KCNH1: variants seen among roughly 807,000 people sequenced by gnomAD.
The protein encoded by KCNH1 is potassium voltage-gated channel subfamily H member 1.
In KCNH1, 27 loss-of-function variants were observed where a neutral mutation model predicts 69.2. The ratio of observed to expected loss-of-function variants is 0.39; its 90% CI spans 0.29 to 0.54. The LOEUF is 0.54. Ranked by LOEUF, KCNH1 falls within the 20% of genes least tolerant of loss-of-function variation. The probability of loss-of-function intolerance (pLI) is 0.68; values close to 1 mark genes in which losing one functional copy is unlikely to be tolerated. For synonymous variants in KCNH1, 456 were observed against 487.7 expected, an observed-to-expected ratio of 0.93 and a Z score of 0.86; for missense variants, 798 against 1,261.6, an observed-to-expected ratio of 0.63 and a Z score of 5.57.
chr1:210,683,680 C>T lies in KCNH1; in HGVS notation c.2571G>A (p.Glu857=), dbSNP rs764803085. ...TCCTCTCGGGAAGTGTCTCCATCGA[C>T]TCAGCCTTGGACACCTTGTTCCAGT... ...SEDWNKVSKA[E]SMETLPERTK... The change falls in exon 11 of 11, where the codon GAG becomes GAA. Residue 857 remains glutamate (E), a synonymous_variant. Coordinates refer to ENST00000271751, the MANE Select transcript of KCNH1 (RefSeq NM_172362.3). This position sits in a 1 kb window ranked among gnomAD's most constrained non-coding sequence, Gnocchi z 5.7. 1.2e-6 allele frequency: 2 copies of T among 1,614,250 alleles called. No homozygotes were observed. Among genetic ancestry groups the T allele is most frequent in the South Asian group, 1.1e-5 (1 of 91,082 alleles).
Position 210,859,487 on chromosome 1 carries a change from C to T in KCNH1, c.1463-55321G>A, listed in dbSNP as rs116703995. ...TCCAGAGCAGTCTCTTCAGCATCAC[C>T]TTCTTCCCAATCTTCATCATCTCCA... On this transcript the variant is annotated intron_variant, in intron 7 of 10. Coordinates refer to ENST00000271751, the MANE Select transcript of KCNH1 (RefSeq NM_172362.3). 637 of 1,606,898 alleles carry T rather than the reference C, an allele frequency of 4.0e-4. 3 individuals are homozygous for T. The African/African-American group carries it at 7.8e-3, about 20-fold the overall frequency.
intron 6 of KCNH1, among the ~76,000 whole-genome samples, chr1:210,933,473 C>T (rs949612665): frequency 1.3e-5 from 2 of 151,554 alleles, no homozygotes; most frequent in Non-Finnish European, 2.9e-5. Flanking sequence ...TGTAACTAAC[C>T]TGCACATTGT....
At chr1:210,793,172 CAA>C (rs1340009836) in intron 9 of KCNH1, among the ~76,000 whole-genome samples, 1 of 152,056 alleles carries the variant, frequency 6.6e-6, no homozygotes, top group East Asian at 1.9e-4. Context: ...GGATTTCATG[CAA>C]AATTAAGGCA....
intron 7 of KCNH1, among the ~76,000 whole-genome samples, chr1:210,883,289 C>T (rs1458116774): frequency 3.9e-5 from 6 of 152,192 alleles, no homozygotes; most frequent in Non-Finnish European, 8.8e-5. Flanking sequence ...TAGAGAAAAG[C>T]TCTTCTTTCC....
rs1264518637 is a variant in KCNH1 at position 210,797,647 on chromosome 1, T to C, written c.1776A>G (p.Ala592=). ...GCACCGTCTGGAACTCCATGGCCAG[T>C]GCCCGGAGGCAGCCATCACTGGCCA... ...FRLASDGCLR[A]LAMEFQTVHC... The change falls in exon 9 of 11, where the codon GCA becomes GCG. Residue 592 remains alanine (A), a synonymous_variant. Coordinates refer to ENST00000271751, the MANE Select transcript of KCNH1 (RefSeq NM_172362.3). The C allele has an allele frequency of 6.2e-7, 1 of 1,614,128 alleles. No individual in the cohort carries two copies. The highest frequency in any genetic ancestry group is 2.2e-5 in the East Asian group (1 of 44,898).
rs1448394361 is a variant in KCNH1, at chr1:211,092,644, GT to G, written c.311-1955del. On this transcript the variant is annotated intron_variant, in intron 3 of 10. Coordinates refer to ENST00000271751, the MANE Select transcript of KCNH1 (RefSeq NM_172362.3). ...GAATATGACCTTTGAATTGTTCACTGTTTTTGGAAGTATGTATTACTATTCC... is the reference window on the plus strand; with the variant it reads ...GAATATGACCTTTGAATTGTTCACTGTTTTGGAAGTATGTATTACTATTCC... 2.6e-5 allele frequency among the ~76,000 whole-genome samples: 4 copies of G among 152,034 alleles called. No individual in the cohort carries two copies. In the East Asian group the frequency reaches 7.7e-4, roughly 29 times the overall value.
intron 7 of KCNH1, among the ~76,000 whole-genome samples, chr1:210,808,994 G>C (rs1196894515): frequency 6.6e-6 from 1 of 152,128 alleles, no homozygotes; most frequent in Admixed American, 6.6e-5. Context: ...AGAAAGGAAG[G>C]AGACCTCCCC....
At chr1:210,731,497 T>G (rs1407725916) in intron 10 of KCNH1, among the ~76,000 whole-genome samples, 1 of 151,792 alleles carries the variant, frequency 6.6e-6, no homozygotes, top group Non-Finnish European at 1.5e-5. Flanking sequence ...TTACAGAGGC[T>G]TAAATAAGTG....
At chr1:211,049,861 T>A (rs4265492) in intron 5 of KCNH1, among the ~76,000 whole-genome samples, 94,827 of 152,022 alleles carry the variant, frequency 0.62, 30,960 homozygotes, top group South Asian at 0.76. Context: ...CGCCAGTACC[T>A]GCAGCCTCAA....
intron 9 of KCNH1, among the ~76,000 whole-genome samples, chr1:210,787,065 C>T (rs887601302): frequency 2.6e-5 from 4 of 152,138 alleles, no homozygotes; most frequent in African/African-American, 7.2e-5. Flanking sequence ...CACTGGCTCT[C>T]CATTACCCTC....
At chr1:211,115,692 T>C (rs554050858) in intron 1 of KCNH1, among the ~76,000 whole-genome samples, 1 of 130,132 alleles carries the variant, frequency 7.7e-6, no homozygotes, top group Non-Finnish European at 1.6e-5. Context: ...TAATACTTAA[T>C]AAACTCCCCT....
intron 6 of KCNH1, among the ~76,000 whole-genome samples, chr1:210,968,644 T>G (rs937560302): frequency 6.6e-6 from 1 of 151,820 alleles, no homozygotes; most frequent in South Asian, 2.1e-4. Context: ...TTTCATGTGT[T>G]TTTTGGCTGC....
At chr1:210,978,108 G>A (rs536478592) in intron 6 of KCNH1, among the ~76,000 whole-genome samples, 7 of 150,230 alleles carry the variant, frequency 4.7e-5, no homozygotes, top group South Asian at 4.2e-4. Flanking sequence ...GTGCGATCTC[G>A]GCTCACTGCA....
At chr1:211,048,601 A>G (rs1690135521) in intron 5 of KCNH1, among the ~76,000 whole-genome samples, 1 of 152,166 alleles carries the variant, frequency 6.6e-6, no homozygotes, top group African/African-American at 2.4e-5. Context: ...GGAATGGAAA[A>G]CCAAACATCG....
chr1:211,064,890 C>CA (rs1690500597), intron 5 of KCNH1, among the ~76,000 whole-genome samples: 1 of 152,230 alleles, frequency 6.6e-6, no homozygotes, highest in African/African-American at 2.4e-5. Flanking sequence ...AAAAAATGCT[C>CA]AAAATCACCA....
chr1:210,740,504 A>G (rs1305964421), intron 10 of KCNH1, among the ~76,000 whole-genome samples: 1 of 151,852 alleles, frequency 6.6e-6, no homozygotes, highest in African/African-American at 2.4e-5. Flanking sequence ...TTTTATTCCT[A>G]GATTCTCAGT....
At chr1:211,078,304 A>C (rs985580471) in intron 5 of KCNH1, among the ~76,000 whole-genome samples, 1 of 152,204 alleles carries the variant, frequency 6.6e-6, no homozygotes, top group African/African-American at 2.4e-5. Flanking sequence ...ACCCCAAATC[A>C]ACAGAATATA....
At chr1:210,765,589 T>C (rs1178608921) in intron 10 of KCNH1, among the ~76,000 whole-genome samples, 1 of 152,188 alleles carries the variant, frequency 6.6e-6, no homozygotes, top group African/African-American at 2.4e-5. Flanking sequence ...TTGGGATGGT[T>C]ATTATATTTT....
At chr1:210,826,586 C>T (rs1685036015) in intron 7 of KCNH1, among the ~76,000 whole-genome samples, 1 of 152,180 alleles carries the variant, frequency 6.6e-6, no homozygotes, top group African/African-American at 2.4e-5. Context: ...TTTTCCTTTC[C>T]TTCTTTTGAA....
Sources: allele counts gnomAD v4.1 joint callset (sites outside exome capture counted in the v4.1 genomes callset), GRCh38; gene constraint gnomAD v4.1.1; non-coding constraint Gnocchi (gnomAD v3.1); transcripts MANE v1.5; gene names NCBI Gene and HGNC (gene_info 2026-07-23, HGNC 2026-07-21).